Variants in CDH12 observed in about 807,000 individuals in gnomAD.
The protein encoded by CDH12 is cadherin-12.
A neutral mutation model predicts 74.1 loss-of-function variants in CDH12; 41 were observed. The ratio of observed to expected loss-of-function variants is 0.55; its 90% confidence interval spans 0.43 to 0.72. CDH12 has a LOEUF of 0.72. Among genes scored for constraint, CDH12 ranks in the 30% least tolerant of loss-of-function variants. The pLI is 0.00. For missense variants in CDH12, 945 were observed against 977.2 expected (o/e 0.97, Z 0.44); for synonymous variants, 399 against 355.0 (o/e 1.12, Z -1.39).
At chr5:21,899,215 T>C (rs976484957) in intron 6 of CDH12, among the ~76,000 whole-genome samples, 4 of 152,222 alleles carry the variant, frequency 2.6e-5, no homozygotes, top group African/African-American at 9.6e-5. Flanking sequence ...TCAGAACAGT[T>C]TCTGCTTAAA....
rs570829384 is a variant in CDH12, at chr5:22,774,566, G to A, written c.-523+78492C>T. On this transcript the variant is annotated intron_variant, in intron 1 of 14. Coordinates refer to ENST00000382254, the MANE Select transcript of CDH12 (RefSeq NM_004061.5). ...ATGCTGTTCTTGTGATATTTACTAA[G>A]TCCCATGAGATCTGATGGTTTTCAA... Among the ~76,000 whole-genome samples the A allele has an allele frequency of 3.9e-4, 59 of 152,194 alleles. 1 individual carries two copies. The highest frequency in any genetic ancestry group is 3.3e-4 in the Admixed American group (5 of 15,268).
chr5:22,674,510 G>A (rs1418744516), intron 1 of CDH12, among the ~76,000 whole-genome samples: 1 of 152,058 alleles, frequency 6.6e-6, no homozygotes, highest in South Asian at 2.1e-4. Flanking sequence ...GACTAATATA[G>A]TATACTGGCA....
At chr5:22,224,433 T>G (rs950566592) in intron 3 of CDH12, among the ~76,000 whole-genome samples, 1 of 152,062 alleles carries the variant, frequency 6.6e-6, no homozygotes, top group East Asian at 1.9e-4. Flanking sequence ...GATAATAATT[T>G]TAAAAACGAT....
intron 4 of CDH12, among the ~76,000 whole-genome samples, chr5:22,146,921 C>T (rs1747224794): frequency 6.6e-6 from 1 of 152,050 alleles, no homozygotes; most frequent in Admixed American, 6.6e-5. Flanking sequence ...GACAAGACCA[C>T]ATGAAATAGG....
chr5:22,654,729 G>A (rs968446144), intron 1 of CDH12, among the ~76,000 whole-genome samples: 2 of 151,740 alleles, frequency 1.3e-5, no homozygotes, highest in Non-Finnish European at 2.9e-5. Context: ...CCTGCGTCCG[G>A]GTTCAAGCGG....
intron 2 of CDH12, among the ~76,000 whole-genome samples, chr5:22,478,812 G>A (rs1025204127): frequency 3.3e-5 from 5 of 151,826 alleles, no homozygotes; most frequent in African/African-American, 1.2e-4. Flanking sequence ...TTATTTTTTT[G>A]TTTGCCTTTC....
chr5:22,056,361 T>C (rs368217350), intron 5 of CDH12, among the ~76,000 whole-genome samples: 5 of 152,182 alleles, frequency 3.3e-5, no homozygotes, highest in African/African-American at 1.2e-4. Context: ...CTATACAAAG[T>C]GAGCTTAATG....
chr5:22,045,626 T>A lies in CDH12; in HGVS notation c.231+32820A>T, dbSNP rs544096376. Among the ~76,000 whole-genome samples, 672 of 138,684 alleles carry A rather than the reference T, an allele frequency of 4.8e-3. 9 individuals carry two copies. The highest frequency in any genetic ancestry group is 0.018 in the African/African-American group (643 of 36,470). The allele number at this position is 138,684 out of a possible 152,430, so 91.0% of individuals were successfully genotyped here. A position where few individuals can be genotyped will look rare whatever the true frequency, so the allele number is the denominator to read the frequency against. ...CCAAAAAAAAAAAAAAACAATAAAATCTTGTCTTTTGGGACAATATAGATA... is the reference window on the plus strand; with the variant it reads ...CCAAAAAAAAAAAAAAACAATAAAAACTTGTCTTTTGGGACAATATAGATA... On this transcript the variant is annotated intron_variant, in intron 5 of 14. Coordinates refer to ENST00000382254, the MANE Select transcript of CDH12 (RefSeq NM_004061.5).
intron 4 of CDH12, among the ~76,000 whole-genome samples, chr5:22,102,264 C>CAG (rs202164960): frequency 0.013 from 1,906 of 152,200 alleles, 50 homozygotes; most frequent in African/African-American, 0.043. Flanking sequence ...CATCCTTTAC[C>CAG]AGCATTTATT....
At chr5:22,847,057 G>C (rs780182) in intron 1 of CDH12, among the ~76,000 whole-genome samples, 6,873 of 152,172 alleles carry the variant, frequency 0.045, 535 homozygotes, top group African/African-American at 0.16. Flanking sequence ...CTCAACAACA[G>C]TTGTTATACT....
rs1284686088 is a variant in CDH12, at chr5:22,415,908, TA to T, written c.-427-10558del. Among the ~76,000 whole-genome samples the T allele has an allele frequency of 4.2e-3, 601 of 143,138 alleles. 15 individuals are homozygous for T. Among genetic ancestry groups the T allele is most frequent in the Admixed American group, 0.035 (511 of 14,416 alleles). The allele number at this position is 143,138 out of a possible 152,430, so 93.9% of individuals were successfully genotyped here. A position where few individuals can be genotyped will look rare whatever the true frequency, so the allele number is the denominator to read the frequency against. Reference sequence around the variant, plus strand: ...CTTGATACTATCCCAAACAAAACAATAAAAAAAAAAATTGAACTACGAAAGC... The same window carrying T: ...CTTGATACTATCCCAAACAAAACAATAAAAAAAAAATTGAACTACGAAAGC... On this transcript the variant is annotated intron_variant, in intron 2 of 14. Coordinates refer to ENST00000382254, the MANE Select transcript of CDH12 (RefSeq NM_004061.5).
chr5:22,720,565 G>A (rs1274894541), intron 1 of CDH12, among the ~76,000 whole-genome samples: 4 of 152,170 alleles, frequency 2.6e-5, no homozygotes, highest in Admixed American at 2.0e-4. Context: ...CTGGGTAACA[G>A]TCAGAGGTTG....
intron 1 of CDH12, among the ~76,000 whole-genome samples, chr5:22,686,757 T>C (rs1276861356): frequency 1.3e-5 from 2 of 152,200 alleles, no homozygotes; most frequent in African/African-American, 4.8e-5. Flanking sequence ...ATAATACACA[T>C]AAAATGTCTA....
chr5:22,580,324 G>T (rs1740019105), intron 1 of CDH12: 1 of 436,918 alleles, frequency 2.3e-6, no homozygotes, highest in Non-Finnish European at 4.7e-6. Flanking sequence ...AACAAGTGGT[G>T]CTTGCACAGC....
At chr5:22,268,626 T>C (rs139814101) in intron 3 of CDH12, among the ~76,000 whole-genome samples, 1 of 152,138 alleles carries the variant, frequency 6.6e-6, no homozygotes, top group Non-Finnish European at 1.5e-5. Flanking sequence ...GCAATGTCCA[T>C]AGCTAACATA....
chr5:22,600,676 T>C (rs572728289), intron 1 of CDH12, among the ~76,000 whole-genome samples: 2 of 152,130 alleles, frequency 1.3e-5, no homozygotes, highest in Non-Finnish European at 2.9e-5. Flanking sequence ...TAATTTTTAA[T>C]AATGCCAGAT....
chr5:22,033,703 G>A (rs570304189), intron 5 of CDH12, among the ~76,000 whole-genome samples: 1 of 152,216 alleles, frequency 6.6e-6, no homozygotes, highest in Non-Finnish European at 1.5e-5. Flanking sequence ...GTGAGAAGAA[G>A]AAAACAGGCA....
At position 21,963,106 on chromosome 5, in the gene CDH12, G is replaced by C. The variant is rs557197675; in HGVS notation, c.526+11985C>G. 2.7e-3 allele frequency among the ~76,000 whole-genome samples: 253 copies of C among 94,242 alleles called. 1 individual carries two copies. Among genetic ancestry groups the C allele is most frequent in the African/African-American group, 0.021 (248 of 11,696 alleles). The allele number at this position is 94,242 out of a possible 152,430, so 61.8% of individuals were successfully genotyped here. A position where few individuals can be genotyped will look rare whatever the true frequency, so the allele number is the denominator to read the frequency against. Reference sequence around the variant, plus strand: ...ATTTACAAATATCGATAGATAGATAGATAGATAGATAGATAGATAGAGAGA... The same window carrying C: ...ATTTACAAATATCGATAGATAGATACATAGATAGATAGATAGATAGAGAGA... On this transcript the variant is annotated intron_variant, in intron 6 of 14. Transcript: ENST00000382254.
At chr5:22,423,940 T>C (rs1327809873) in intron 2 of CDH12, among the ~76,000 whole-genome samples, 1 of 140,356 alleles carries the variant, frequency 7.1e-6, no homozygotes, top group Non-Finnish European at 1.5e-5. Context: ...GAGGCGGAGC[T>C]TGCAGTGAGC....
Sources: allele counts gnomAD v4.1 joint callset (sites outside exome capture counted in the v4.1 genomes callset), GRCh38; gene constraint gnomAD v4.1.1; transcripts MANE v1.5; gene names NCBI Gene and HGNC (gene_info 2026-07-23, HGNC 2026-07-21).